Variants in SLC51A observed in about 807,000 individuals in gnomAD.
SLC51A encodes the protein organic solute transporter subunit alpha.
Under a neutral mutation model 34.8 loss-of-function variants are expected in SLC51A, and 22 were observed. That is an observed-to-expected ratio of 0.63 (90% CI 0.45 to 0.90). SLC51A has a LOEUF of 0.90. Ranked by LOEUF, SLC51A falls within the 40% of genes least tolerant of loss-of-function variation. SLC51A has a pLI of 0.00. For missense variants in SLC51A, 371 were observed against 414.8 expected, an observed-to-expected ratio of 0.89 and a Z score of 0.92; for synonymous variants, 181 against 176.3, an observed-to-expected ratio of 1.03 and a Z score of -0.21.
chr3:196,230,305 T>C (rs1724001984), intron 7 of SLC51A, among the ~76,000 whole-genome samples: 2 of 152,130 alleles, frequency 1.3e-5, no homozygotes, highest in Admixed American at 6.5e-5. Flanking sequence ...AGACATGTCT[T>C]GTCTCATTGT....
chr3:196,231,461 C>A (rs1349483720), intron 7 of SLC51A, among the ~76,000 whole-genome samples: 2 of 152,202 alleles, frequency 1.3e-5, no homozygotes, highest in Non-Finnish European at 2.9e-5. Context: ...ATAATGACTG[C>A]CCTACAGTTT....
intron 2 of SLC51A, among the ~76,000 whole-genome samples, 169 bp from the exon 3 acceptor site, chr3:196,226,785 AAAAAGAAAAAG>A (rs1723902890): frequency 2.0e-5 from 3 of 149,558 alleles, no homozygotes; most frequent in South Asian, 2.1e-4. Flanking sequence ...AAAAAAAAAA[AAAAAGAAAAAG>A]AAAAAAAAAA....
rs144445020 is a variant in SLC51A at position 196,225,607 on chromosome 3, T to G, written c.134-1358T>G. 135 of 152,336 alleles carry G rather than the reference T, an allele frequency of 8.9e-4. 1 individual carries two copies. The highest frequency in any genetic ancestry group is 3.1e-3 in the African/African-American group (130 of 41,580). 9.4% of individuals were successfully genotyped at this position (152,336 alleles called of 1,614,324 possible). ...GGGTCCAATAACTAGAAAAGACACT[T>G]AGATAAATGACCACAGGTTCACTAA... On this transcript the variant is annotated intron_variant, in intron 2 of 8. Coordinates refer to ENST00000296327, the MANE Select transcript of SLC51A (RefSeq NM_152672.6).
intron 8 of SLC51A, 48 bp from the exon 9 acceptor site, chr3:196,233,015 C>A (rs1347128453): frequency 6.3e-7 from 1 of 1,591,020 alleles, no homozygotes; most frequent in Non-Finnish European, 8.6e-7. Context: ...TAAAATACCA[C>A]CTCTGTAACT....
intron 2 of SLC51A, among the ~76,000 whole-genome samples, chr3:196,218,884 C>T (rs971752671): frequency 1.3e-5 from 2 of 151,824 alleles, no homozygotes; most frequent in African/African-American, 4.8e-5. Flanking sequence ...CTGCAAAAGT[C>T]CTCGCAGTGT....
chr3:196,232,416 C>T lies in SLC51A; in HGVS notation c.781-3C>T. 1 of 1,612,494 alleles carries T rather than the reference C, an allele frequency of 6.2e-7. No homozygotes were observed. Among genetic ancestry groups the T allele is most frequent in the Non-Finnish European group, 8.5e-7 (1 of 1,178,480 alleles). On this transcript the variant is annotated splice_polypyrimidine_tract_variant and splice_region_variant and intron_variant, in intron 7 of 8. Transcript: ENST00000296327. ...ACCCTTGCCTCTCTTTTATGTTCCG[C>T]AGGTTCTCCTCATCCTGACTGCCCT... is the stretch of plus-strand genomic sequence containing the variant.
intron 1 of SLC51A, among the ~76,000 whole-genome samples, 163 bp from the exon 2 acceptor site, chr3:196,217,675 AAGAG>A (rs1273642587): frequency 1.3e-5 from 2 of 151,486 alleles, no homozygotes; most frequent in South Asian, 2.1e-4. Flanking sequence ...GAGAAAGAGA[AAGAG>A]AGAGTGAAAG....
At position 196,226,051 on chromosome 3, in the gene SLC51A, T is replaced by C. The variant is rs140950093; in HGVS notation, c.134-914T>C. ...TTCTCCCCTGGCCGAGTGTGGTGGC[T>C]CACGTCTGTAATCCCAGCACTTTGG... is the stretch of plus-strand genomic sequence containing the variant. On this transcript the variant is annotated intron_variant, in intron 2 of 8. Coordinates refer to ENST00000296327, the MANE Select transcript of SLC51A (RefSeq NM_152672.6). Among the ~76,000 whole-genome samples, 564 of 152,334 alleles carry C rather than the reference T, an allele frequency of 3.7e-3. 1 individual carries two copies. Among genetic ancestry groups the C allele is most frequent in the African/African-American group, 0.013 (546 of 41,586 alleles).
intron 7 of SLC51A, among the ~76,000 whole-genome samples, chr3:196,231,551 A>G (rs1343267677): frequency 1.3e-5 from 2 of 152,334 alleles, no homozygotes; most frequent in East Asian, 3.9e-4. Context: ...CATAGGAGGT[A>G]GAATGAAAGG....
In SLC51A at chr3:196,226,862, G is replaced by A. The variant is rs149130487; in HGVS notation, c.134-103G>A. ...TAAAAAATCCTCATTCCTGTGCACG[G>A]GTGGGAGCCTAGATCCAGTAAGGCA... On this transcript the variant is annotated intron_variant, in intron 2 of 8. Coordinates refer to ENST00000296327, the MANE Select transcript of SLC51A (RefSeq NM_152672.6). 1,738 of 1,141,536 alleles carry A rather than the reference G, an allele frequency of 1.5e-3. 36 individuals carry two copies. In the East Asian group the frequency reaches 0.039, roughly 26 times the overall value. 70.7% of individuals were successfully genotyped at this position (1,141,536 alleles called of 1,614,324 possible).
chr3:196,221,966 C>T (rs1258153760), intron 2 of SLC51A, among the ~76,000 whole-genome samples: 1 of 152,098 alleles, frequency 6.6e-6, no homozygotes, highest in African/African-American at 2.4e-5. Context: ...GATCCGCCCG[C>T]CTCGGCCTCC....
chr3:196,227,129 C>T lies in SLC51A; in HGVS notation c.288+10C>T. 6 of 1,612,542 alleles carry T rather than the reference C, an allele frequency of 3.7e-6. No individual in the cohort carries two copies. Among genetic ancestry groups the T allele is most frequent in the Non-Finnish European group, 5.1e-6 (6 of 1,179,802 alleles). On this transcript the variant is annotated intron_variant, in intron 3 of 8. Transcript: ENST00000296327. ...GAGCTCGGCACCCACGGTGAGGCCC[C>T]CGGGGCTGCCCTGTGGGGGGAACTG...
chr3:196,223,857 C>CTTTTTTTTTTTTT, intron 2 of SLC51A: 1 of 333,466 alleles, frequency 3.0e-6, no homozygotes, highest in Non-Finnish European at 5.5e-6. Context: ...TTTTTAATGC[C>CTTTTTTTTTTTTT]TTTTTTTTTT....
At chr3:196,223,683 T>A (rs191778828) in intron 2 of SLC51A, among the ~76,000 whole-genome samples, 3 of 151,160 alleles carry the variant, frequency 2.0e-5, no homozygotes, top group Admixed American at 2.0e-4. Context: ...CTTTGCCTAT[T>A]GTCTGAGTTT....
intron 7 of SLC51A, among the ~76,000 whole-genome samples, chr3:196,231,016 A>G (rs577349137): frequency 3.5e-4 from 53 of 152,094 alleles, no homozygotes; most frequent in African/African-American, 1.1e-3. Context: ...TTTTCTACCT[A>G]TGACTTCCTA....
At chr3:196,222,238 A>G (rs1478747053) in intron 2 of SLC51A, among the ~76,000 whole-genome samples, 1 of 152,204 alleles carries the variant, frequency 6.6e-6, no homozygotes, top group Non-Finnish European at 1.5e-5. Flanking sequence ...AATAGTTGCT[A>G]TAAGTATGAT....
chr3:196,228,927 CGG>C lies in SLC51A; in HGVS notation c.633+9_633+10del. ...CATCTATGACCCAGCAGACGTAAGC[CGG>C]GAGTAAGGGACAGCACAGTCCAAGA... On this transcript the variant is annotated splice_region_variant and intron_variant, in intron 6 of 8. Coordinates refer to ENST00000296327, the MANE Select transcript of SLC51A (RefSeq NM_152672.6). The surrounding 1 kb of genome is among the most constrained non-coding windows in gnomAD (Gnocchi z 4.9). The C allele has an allele frequency of 6.2e-7, 1 of 1,604,524 alleles. No individual in the cohort carries two copies. Among genetic ancestry groups the C allele is most frequent in the Non-Finnish European group, 8.5e-7 (1 of 1,171,238 alleles).
At chr3:196,227,533 TCCAGCTGGCAA>T (rs1370078187) in intron 3 of SLC51A, 120 bp from the exon 4 acceptor site, 1 of 768,328 alleles carries the variant, frequency 1.3e-6, no homozygotes, top group South Asian at 1.5e-5. Context: ...TAGTGCTTTT[TCCAGCTGGCAA>T]CGTTTAAGGA....
chr3:196,217,783 G>A, intron 1 of SLC51A, 59 bp from the exon 2 acceptor site: 1 of 1,473,214 alleles, frequency 6.8e-7, no homozygotes, highest in South Asian at 1.2e-5. Context: ...GGTCCAGTGT[G>A]CAACCCTCCC....
Sources: gnomAD v4.1 joint callset for allele counts (sites outside exome capture counted in the v4.1 genomes callset) on GRCh38, gnomAD v4.1.1 for gene constraint, Gnocchi (gnomAD v3.1) non-coding constraint, MANE v1.5 for transcripts, NCBI Gene and HGNC (gene_info 2026-07-23, HGNC 2026-07-21) for gene names.